Variants in KIT observed in about 807,000 individuals in gnomAD.
The protein encoded by KIT is KIT proto-oncogene, receptor tyrosine kinase, also known as mast/stem cell growth factor receptor Kit.
Under a neutral mutation model 105.7 loss-of-function variants are expected in KIT, and 16 were observed. The ratio of observed to expected loss-of-function variants is 0.15; its 90% confidence interval spans 0.10 to 0.23. The LOEUF is 0.23. KIT is among the 10% of genes least tolerant of loss of function. The pLI is 1.00. For missense variants in KIT, 858 were observed against 1,213.8 expected (o/e 0.71, Z 4.36); for synonymous variants, 438 against 441.1 (o/e 0.99, Z 0.09).
intron 1 of KIT, among the ~76,000 whole-genome samples, chr4:54,676,798 C>T (rs986020955): frequency 6.6e-6 from 1 of 152,136 alleles, no homozygotes; most frequent in African/African-American, 2.4e-5. Flanking sequence ...GCTGCACCCC[C>T]AAAGGTGTCC....
chr4:54,663,129 G>A (rs565467995), intron 1 of KIT, among the ~76,000 whole-genome samples: 3 of 152,198 alleles, frequency 2.0e-5, no homozygotes, highest in African/African-American at 4.8e-5. Context: ...ATCTTCCCAT[G>A]CATACCTTTC....
In KIT at chr4:54,736,810, C is replaced by T. The variant is rs1037165835; in HGVS notation, c.2686C>T (p.Pro896Ser). Residue 896 changes from proline (P) to serine (S), a missense_variant, in exon 19 of 21, where the codon CCT (proline) becomes TCT (serine). Transcript: ENST00000288135. ...CCGGATGCTCAGCCCTGAACACGCA[C>T]CTGCTGAAATGTAAGAGCCAAAAAA... ...GFRMLSPEHAPAEMYDIMKTC... is the reference protein window; with the variant it reads ...GFRMLSPEHASAEMYDIMKTC... 1 of 1,613,918 alleles carries T rather than the reference C, an allele frequency of 6.2e-7. No homozygotes were observed. The highest frequency in any genetic ancestry group is 1.1e-5 in the South Asian group (1 of 91,082).
chr4:54,715,881 G>GC (rs1313065977), intron 7 of KIT, among the ~76,000 whole-genome samples: 1 of 152,192 alleles, frequency 6.6e-6, no homozygotes, highest in Non-Finnish European at 1.5e-5. Flanking sequence ...CGGCAGTCTT[G>GC]CCTGCAAGGA....
chr4:54,659,199 C>T (rs1257950040), intron 1 of KIT, among the ~76,000 whole-genome samples: 1 of 152,226 alleles, frequency 6.6e-6, no homozygotes, highest in Admixed American at 6.5e-5. Context: ...GCAAATCCTA[C>T]TCAGTTCTTA....
intron 3 of KIT, 43 bp from the exon 4 acceptor site, chr4:54,699,587 A>C (rs780571168): frequency 1.2e-6 from 2 of 1,610,464 alleles, no homozygotes; most frequent in South Asian, 2.2e-5. Flanking sequence ...ATTTCATGCT[A>C]TAATACAAAT....
intron 13 of KIT, among the ~76,000 whole-genome samples, chr4:54,729,050 T>C (rs190469557): frequency 6.6e-6 from 1 of 152,196 alleles, no homozygotes. Flanking sequence ...GTAGAATCTT[T>C]GAAAGCAGTA....
At chr4:54,697,039 A>C (rs550054280) in intron 2 of KIT, among the ~76,000 whole-genome samples, 10 of 152,236 alleles carry the variant, frequency 6.6e-5, no homozygotes, top group Non-Finnish European at 1.3e-4. Context: ...TGTATCTTGG[A>C]ACTATCCTTA....
intron 1 of KIT, among the ~76,000 whole-genome samples, chr4:54,682,159 A>G (rs1385932424): frequency 2.7e-5 from 4 of 147,498 alleles, no homozygotes; most frequent in Non-Finnish European, 5.9e-5. Flanking sequence ...GCACGATCAC[A>G]GCTCACTGCA....
At chr4:54,696,531 G>C (rs548655837) in intron 2 of KIT, among the ~76,000 whole-genome samples, 1 of 152,318 alleles carries the variant, frequency 6.6e-6, no homozygotes, top group African/African-American at 2.4e-5. Flanking sequence ...CCCCTGGACT[G>C]GGGCTGTCTT....
chr4:54,682,795 G>A (rs903424121), intron 1 of KIT, among the ~76,000 whole-genome samples: 2 of 142,500 alleles, frequency 1.4e-5, no homozygotes, highest in African/African-American at 2.6e-5. Context: ...CCCGTCACCC[G>A]AGCTGGAGTG....
At chr4:54,710,825 G>A (rs1721108965) in intron 7 of KIT, among the ~76,000 whole-genome samples, 1 of 152,174 alleles carries the variant, frequency 6.6e-6, no homozygotes, top group South Asian at 2.1e-4. Flanking sequence ...ATAGGCATGA[G>A]CCACCGCGCC....
At chr4:54,680,715 A>G (rs940683863) in intron 1 of KIT, among the ~76,000 whole-genome samples, 1 of 151,838 alleles carries the variant, frequency 6.6e-6, no homozygotes, top group Non-Finnish European at 1.5e-5. Context: ...TCAAAACTCC[A>G]TTTCCCCTCC....
intron 1 of KIT, among the ~76,000 whole-genome samples, chr4:54,668,000 A>G (rs1419869401): frequency 6.6e-6 from 1 of 152,172 alleles, no homozygotes; most frequent in Non-Finnish European, 1.5e-5. Flanking sequence ...ATGACCTTTC[A>G]TTTGCTTATT....
intron 5 of KIT, among the ~76,000 whole-genome samples, chr4:54,704,196 C>T (rs1219822750): frequency 2.6e-5 from 4 of 152,148 alleles, no homozygotes; most frequent in Non-Finnish European, 2.9e-5. Flanking sequence ...TGCTAGTGCT[C>T]GCTGAATGAC....
rs938020162 is a variant in KIT at position 54,673,334 on chromosome 4, C to T, written c.67+15253C>T. On this transcript the variant is annotated intron_variant, in intron 1 of 20. Coordinates refer to ENST00000288135, the MANE Select transcript of KIT (RefSeq NM_000222.3). ...CCACTTTCTCTCAAATCCTTTTAACCGCGTCATAATTCATTTGAATTGAAA... is the reference window on the plus strand; with the variant it reads ...CCACTTTCTCTCAAATCCTTTTAACTGCGTCATAATTCATTTGAATTGAAA... Among the ~76,000 whole-genome samples, 11 of 152,266 alleles carry T rather than the reference C, an allele frequency of 7.2e-5. 1 individual carries two copies. Among genetic ancestry groups the T allele is most frequent in the African/African-American group, 1.9e-4 (8 of 41,536 alleles).
At chr4:54,699,055 T>C (rs918802531) in intron 3 of KIT, among the ~76,000 whole-genome samples, 3 of 152,370 alleles carry the variant, frequency 2.0e-5, no homozygotes, top group East Asian at 1.9e-4. Flanking sequence ...TGTGCCGTTA[T>C]GTAGAATATT....
chr4:54,698,780 G>T (rs901431774), intron 3 of KIT, among the ~76,000 whole-genome samples: 1 of 152,214 alleles, frequency 6.6e-6, no homozygotes, highest in African/African-American at 2.4e-5. Flanking sequence ...AGAGGTGAAT[G>T]TATCTGCCAT....
At position 54,739,155 on chromosome 4, in the gene KIT, G is replaced by A. The variant is rs943317946; in HGVS notation, c.*598G>A. 3.0e-5 allele frequency: 10 copies of A among 331,774 alleles called. No individual in the cohort carries two copies. The highest frequency in any genetic ancestry group is 4.4e-5 in the Non-Finnish European group (8 of 183,548). The allele number at this position is 331,774 out of a possible 1,614,324, so 20.6% of individuals were successfully genotyped here. ...CCACTGCATGAGCTTTTATACTACC[G>A]ACCTGGTTTTTAAATAGAGTTTGCT... On this transcript the variant is annotated 3_prime_UTR_variant, in exon 21 of 21. Transcript: ENST00000288135.
chr4:54,707,139 G>A lies in KIT; in HGVS notation c.967G>A (p.Val323Ile), dbSNP rs1060502539. 3 of 1,575,104 alleles carry A rather than the reference G, an allele frequency of 1.9e-6. No homozygotes were observed. Among genetic ancestry groups the A allele is most frequent in the Non-Finnish European group, 2.6e-6 (3 of 1,144,834 alleles). The change falls in exon 6 of 21, where the codon GTA (valine) becomes ATA (isoleucine). Residue 323 changes from valine (V) to isoleucine (I), a missense_variant. Val to Ile is a conservative substitution (Grantham distance 29, BLOSUM62 3). Coordinates refer to ENST00000288135, the MANE Select transcript of KIT (RefSeq NM_000222.3). ...INIFPMINTT[V>I]FVNDGENVDL... Reference sequence around the variant, plus strand: ...TATCTTCCCCATGATAAACACTACAGTATTTGTAAACGATGGAGAAAATGT... The same window carrying A: ...TATCTTCCCCATGATAAACACTACAATATTTGTAAACGATGGAGAAAATGT...
Sources: gnomAD v4.1 joint callset for allele counts (sites outside exome capture counted in the v4.1 genomes callset) on GRCh38, gnomAD v4.1.1 for gene constraint, MANE v1.5 for transcripts, NCBI Gene and HGNC (gene_info 2026-07-23, HGNC 2026-07-21) for gene names.